Variants in EPB41L4B observed in about 807,000 individuals in gnomAD.
EPB41L4B encodes the protein erythrocyte membrane protein band 4.1 like 4B.
In EPB41L4B, 30 loss-of-function variants were observed where a neutral mutation model predicts 112.5. The observed-to-expected ratio is 0.27, with a 90% CI of 0.20 to 0.36. EPB41L4B has a LOEUF of 0.36. Ranked by LOEUF, EPB41L4B falls within the 10% of genes least tolerant of loss-of-function variation. The pLI, the probability that EPB41L4B is intolerant of heterozygous loss-of-function variation, is 1.00. For synonymous variants in EPB41L4B, 408 were observed against 439.7 expected, an observed-to-expected ratio of 0.93 and a Z score of 0.90; for missense variants, 1,024 against 1,133.3, an observed-to-expected ratio of 0.90 and a Z score of 1.38.
intron 1 of EPB41L4B, among the ~76,000 whole-genome samples, chr9:109,282,454 G>T (rs897454111): frequency 1.3e-5 from 2 of 152,126 alleles, no homozygotes; most frequent in Non-Finnish European, 2.9e-5. Context: ...TTTCTTTATT[G>T]AAGTATTTCA....
At chr9:109,241,166 G>A (rs909942476) in intron 15 of EPB41L4B, 15 of 985,578 alleles carry the variant, frequency 1.5e-5, no homozygotes, top group Non-Finnish European at 1.8e-5. Context: ...TTTTAGAGTT[G>A]GAAAGGACCT....
At chr9:109,266,574 A>T (rs1234500787) in intron 4 of EPB41L4B, among the ~76,000 whole-genome samples, 1 of 152,208 alleles carries the variant, frequency 6.6e-6, no homozygotes, top group African/African-American at 2.4e-5. Context: ...CTGATGGAAA[A>T]GGGTAGAGGG....
chr9:109,273,547 C>T (rs1835705005), intron 2 of EPB41L4B, among the ~76,000 whole-genome samples: 8 of 152,214 alleles, frequency 5.3e-5, no homozygotes, highest in Admixed American at 3.9e-4. Context: ...ACACCACGCC[C>T]TGTGGCATTT....
At chr9:109,183,902 C>T (rs1832157824) in intron 23 of EPB41L4B, among the ~76,000 whole-genome samples, 1 of 152,248 alleles carries the variant, frequency 6.6e-6, no homozygotes, top group Non-Finnish European at 1.5e-5. Context: ...ATCAGCCAAG[C>T]TTTCCCAAAT....
At chr9:109,272,867 A>T (rs188570458) in intron 2 of EPB41L4B, among the ~76,000 whole-genome samples, 1 of 152,314 alleles carries the variant, frequency 6.6e-6, no homozygotes, top group East Asian at 1.9e-4. Context: ...TTTGGAGTTT[A>T]CTGTATCACA....
At chr9:109,206,673 T>A (rs1268519458) in intron 18 of EPB41L4B, among the ~76,000 whole-genome samples, 4 of 152,180 alleles carry the variant, frequency 2.6e-5, no homozygotes, top group African/African-American at 9.7e-5. Context: ...GAAAGAGTCA[T>A]GGTCCACCAG....
chr9:109,286,658 T>G (rs985968356), intron 1 of EPB41L4B, among the ~76,000 whole-genome samples: 3 of 152,156 alleles, frequency 2.0e-5, no homozygotes, highest in Admixed American at 6.5e-5. Flanking sequence ...ACTCTGGGTG[T>G]TGCAGACACA....
At chr9:109,216,462 C>CA (rs1833369124) in intron 16 of EPB41L4B, among the ~76,000 whole-genome samples, 1 of 151,934 alleles carries the variant, frequency 6.6e-6, no homozygotes. Context: ...CCAACATAGT[C>CA]AAAATCTGTC....
rs1028085159 is a variant in EPB41L4B, at chr9:109,251,628, C to A, written c.1280-117G>T. 23 of 930,726 alleles carry A rather than the reference C, an allele frequency of 2.5e-5. No homozygotes were observed. The African/African-American group carries it at 3.5e-4, about 14-fold the overall frequency. 57.7% of individuals were successfully genotyped at this position (930,726 alleles called of 1,614,324 possible). On this transcript the variant is annotated intron_variant, in intron 12 of 25. Coordinates refer to ENST00000374566, the MANE Select transcript of EPB41L4B (RefSeq NM_019114.5). Reference sequence around the variant, plus strand: ...CATCACAGAGCCTTTCCAACTCCAACCCAGGCAGAACTGCATGGTGGCTAC... The same window carrying A: ...CATCACAGAGCCTTTCCAACTCCAAACCAGGCAGAACTGCATGGTGGCTAC...
intron 19 of EPB41L4B, among the ~76,000 whole-genome samples, chr9:109,201,680 T>C (rs1230528864): frequency 6.6e-6 from 1 of 152,030 alleles, no homozygotes; most frequent in East Asian, 1.9e-4. Flanking sequence ...TCTTTCCAGA[T>C]GGAGCGAAGA....
intron 1 of EPB41L4B, among the ~76,000 whole-genome samples, chr9:109,318,148 T>C (rs2119298614): frequency 9.2e-6 from 1 of 109,032 alleles, no homozygotes; most frequent in South Asian, 4.1e-4. Context: ...AGGGGGCATA[T>C]ACGTGTGTGT....
intron 12 of EPB41L4B, among the ~76,000 whole-genome samples, chr9:109,252,370 C>T (rs776632227): frequency 2.6e-5 from 4 of 152,192 alleles, no homozygotes; most frequent in Admixed American, 2.6e-4. Context: ...CCCTTCCTCC[C>T]GGGCGCTGTG....
At chr9:109,301,864 T>C (rs113381513) in intron 1 of EPB41L4B, among the ~76,000 whole-genome samples, 2,559 of 152,300 alleles carry the variant, frequency 0.017, 60 homozygotes, top group African/African-American at 0.059. Flanking sequence ...GGTCGCACCA[T>C]TGTACCCCAG....
chr9:109,278,269 G>A (rs1371063652), intron 2 of EPB41L4B, among the ~76,000 whole-genome samples: 4 of 152,174 alleles, frequency 2.6e-5, no homozygotes, highest in African/African-American at 9.7e-5. Flanking sequence ...GGAGGACACA[G>A]TTTGGGGGTG....
chr9:109,245,854 G>A (rs1834534772), intron 14 of EPB41L4B, among the ~76,000 whole-genome samples: 1 of 152,286 alleles, frequency 6.6e-6, no homozygotes, highest in South Asian at 2.1e-4. Context: ...ATGATGTTGC[G>A]ATAACAATGC....
intron 17 of EPB41L4B, among the ~76,000 whole-genome samples, chr9:109,210,681 T>G (rs1397691980): frequency 6.6e-6 from 1 of 152,200 alleles, no homozygotes; most frequent in East Asian, 1.9e-4. Flanking sequence ...AATATACATT[T>G]TGGGAAATTT....
At chr9:109,239,663 C>T (rs1167588515) in intron 15 of EPB41L4B, 3 of 203,066 alleles carry the variant, frequency 1.5e-5, no homozygotes, top group African/African-American at 7.1e-5. Context: ...ATTTAACAAT[C>T]AGGATATCAT....
chr9:109,244,207 G>C (rs1834457075), intron 14 of EPB41L4B, among the ~76,000 whole-genome samples: 1 of 152,160 alleles, frequency 6.6e-6, no homozygotes. Context: ...TCTGGTTTAT[G>C]CAATAAAAAT....
At chr9:109,212,482 A>T (rs1833216282) in intron 17 of EPB41L4B, among the ~76,000 whole-genome samples, 1 of 152,068 alleles carries the variant, frequency 6.6e-6, no homozygotes, top group South Asian at 2.1e-4. Flanking sequence ...AAAAAAAGTG[A>T]ATGAGCAGGG....
Sources: allele counts gnomAD v4.1 joint callset (sites outside exome capture counted in the v4.1 genomes callset), GRCh38; gene constraint gnomAD v4.1.1; transcripts MANE v1.5; gene names NCBI Gene and HGNC (gene_info 2026-07-23, HGNC 2026-07-21).